SCAI: variants seen among roughly 807,000 people sequenced by gnomAD.
SCAI encodes suppressor of cancer cell invasion.
SCAI carries 24 observed loss-of-function variants against 92.2 expected under a neutral mutation model. The observed-to-expected ratio is 0.26, with a 90% CI of 0.19 to 0.37. The LOEUF (loss-of-function observed/expected upper bound fraction) is 0.37, where lower values mean the gene tolerates loss of function less well. SCAI is among the 10% of genes least tolerant of loss of function. The pLI is 1.00. For missense variants in SCAI, 450 were observed against 736.2 expected (o/e 0.61, Z 4.50); for synonymous variants, 261 against 258.6 (o/e 1.01, Z -0.09).
Position 124,952,619 on chromosome 9 carries a change from C to A in SCAI, c.*188G>T. The stretch of plus-strand genomic sequence containing the variant: ...TTCCAAGGTTAAGATTTTAAAAGAC[C>A]TGAAAGGTTGCATTTTAAAACAGTT... On this transcript the variant is annotated 3_prime_UTR_variant, in exon 18 of 18. Transcript: ENST00000336505. 1 of 482,988 alleles carries A rather than the reference C, an allele frequency of 2.1e-6. No homozygotes were observed. Among genetic ancestry groups the A allele is most frequent in the Non-Finnish European group, 3.6e-6 (1 of 279,988 alleles). The allele number at this position is 482,988 out of a possible 1,614,324, so 29.9% of individuals were successfully genotyped here. A position where few individuals can be genotyped will look rare whatever the true frequency, so the allele number is the denominator to read the frequency against.
At chr9:125,037,886 A>T (rs1301009721) in intron 3 of SCAI, among the ~76,000 whole-genome samples, 1 of 152,184 alleles carries the variant, frequency 6.6e-6, no homozygotes, top group Non-Finnish European at 1.5e-5. Context: ...ACTGCACTCC[A>T]GCCTGGGCGA....
intron 2 of SCAI, among the ~76,000 whole-genome samples, chr9:125,112,824 A>G (rs1364555591): frequency 6.6e-6 from 1 of 152,246 alleles, no homozygotes; most frequent in African/African-American, 2.4e-5. Context: ...GAAATACTTA[A>G]AAAACAAACA....
chr9:125,015,275 C>A (rs1208594120), intron 9 of SCAI, among the ~76,000 whole-genome samples: 1 of 152,092 alleles, frequency 6.6e-6, no homozygotes, highest in Non-Finnish European at 1.5e-5. Context: ...ATGTTCGCAA[C>A]CTACTCATCT....
chr9:125,121,760 T>G, intron 2 of SCAI, among the ~76,000 whole-genome samples: 1 of 151,848 alleles, frequency 6.6e-6, no homozygotes. Context: ...GGCTGAGGCA[T>G]GAGAATTGCT....
intron 17 of SCAI, chr9:124,968,428 CAT>C: frequency 8.9e-7 from 1 of 1,121,176 alleles, no homozygotes; most frequent in South Asian, 1.2e-5. Flanking sequence ...TCAGTCCAGT[CAT>C]AACGCTTGAG....
chr9:124,960,049 C>T (rs1366174925), intron 17 of SCAI, among the ~76,000 whole-genome samples: 4 of 151,936 alleles, frequency 2.6e-5, no homozygotes, highest in Non-Finnish European at 5.9e-5. Flanking sequence ...GGGTATATAC[C>T]CAGTAATGGG....
chr9:125,083,400 C>T (rs183320671), intron 2 of SCAI, among the ~76,000 whole-genome samples: 254 of 152,040 alleles, frequency 1.7e-3, no homozygotes, highest in Admixed American at 3.9e-3. Context: ...CGCCTGTAAT[C>T]CCAGCTGCTC....
At chr9:125,025,740 C>G (rs1832953850) in intron 6 of SCAI, among the ~76,000 whole-genome samples, 1 of 152,140 alleles carries the variant, frequency 6.6e-6, no homozygotes, top group Admixed American at 6.5e-5. Context: ...CATGCAAACG[C>G]CCCTAGACAA....
intron 17 of SCAI, among the ~76,000 whole-genome samples, chr9:124,966,502 G>GT (rs1831544598): frequency 6.6e-6 from 1 of 152,098 alleles, no homozygotes; most frequent in Admixed American, 6.5e-5. Context: ...TATATGGTCT[G>GT]TAAGTGTGTG....
chr9:125,101,511 C>G (rs114688490), intron 2 of SCAI, among the ~76,000 whole-genome samples: 224 of 152,232 alleles, frequency 1.5e-3, no homozygotes, highest in African/African-American at 4.9e-3. Context: ...ATGGAATAGC[C>G]ACTGACTAAG....
At position 125,131,764 on chromosome 9, in the gene SCAI, G is replaced by A. The variant is rs1206047070; in HGVS notation, c.98+10869C>T. ...CTTTACCAAAACCACTGCATTTGCT[G>A]TACGGATGTTGCTGAGGCAAACCTA... On this transcript the variant is annotated intron_variant, in intron 2 of 17. Coordinates refer to ENST00000336505, the MANE Select transcript of SCAI (RefSeq NM_001144877.3). Among the ~76,000 whole-genome samples the A allele has an allele frequency of 2.0e-5, 3 of 152,184 alleles. No homozygotes were observed. The East Asian group carries it at 5.8e-4, about 29-fold the overall frequency.
intron 2 of SCAI, among the ~76,000 whole-genome samples, chr9:125,087,279 T>C (rs191639030): frequency 1.7e-3 from 266 of 152,380 alleles, no homozygotes; most frequent in Non-Finnish European, 2.9e-3. Context: ...TCAGTCAATA[T>C]TGGCATGATG....
intron 2 of SCAI, among the ~76,000 whole-genome samples, chr9:125,118,096 A>C (rs1835085346): frequency 6.6e-6 from 1 of 152,198 alleles, no homozygotes; most frequent in Non-Finnish European, 1.5e-5. Flanking sequence ...TAATCAACTA[A>C]TCACTAAACA....
At chr9:125,007,846 C>T (rs1341185004) in intron 9 of SCAI, among the ~76,000 whole-genome samples, 1 of 151,382 alleles carries the variant, frequency 6.6e-6, no homozygotes, top group Non-Finnish European at 1.5e-5. Flanking sequence ...AGTTCTTTTT[C>T]TTTTTCTTTT....
chr9:125,041,594 T>C (rs571229442), intron 3 of SCAI, among the ~76,000 whole-genome samples: 2 of 152,310 alleles, frequency 1.3e-5, no homozygotes, highest in South Asian at 4.1e-4. Context: ...CAGTGTTTTA[T>C]TTCAGGTGTC....
At chr9:125,130,187 C>T (rs1835369243) in intron 2 of SCAI, among the ~76,000 whole-genome samples, 1 of 152,196 alleles carries the variant, frequency 6.6e-6, no homozygotes, top group African/African-American at 2.4e-5. Flanking sequence ...GCATGAGCCA[C>T]CACGTCCAGC....
intron 15 of SCAI, 137 bp from the exon 16 acceptor site, chr9:124,971,981 T>A (rs1831669689): frequency 4.1e-6 from 2 of 486,772 alleles, no homozygotes; most frequent in Non-Finnish European, 6.6e-6. Context: ...CAAAGCAGAT[T>A]CTTCACGAAA....
chr9:125,106,722 CTTTTTTT>C (rs34740170), intron 2 of SCAI, among the ~76,000 whole-genome samples: 1 of 113,358 alleles, frequency 8.8e-6, no homozygotes, highest in African/African-American at 3.3e-5. Context: ...TTTTCTTTTC[CTTTTTTT>C]TTTTTTTTTT....
At chr9:125,112,792 C>G (rs546188777) in intron 2 of SCAI, among the ~76,000 whole-genome samples, 1 of 152,270 alleles carries the variant, frequency 6.6e-6, no homozygotes, top group Non-Finnish European at 1.5e-5. Flanking sequence ...CCTGGAGCAT[C>G]TTGTAGTGCC....
Sources: allele counts gnomAD v4.1 joint callset (sites outside exome capture counted in the v4.1 genomes callset), GRCh38; gene constraint gnomAD v4.1.1; transcripts MANE v1.5; gene names NCBI Gene and HGNC (gene_info 2026-07-23, HGNC 2026-07-21).